The following ISM1 variants were observed in gnomAD, a reference collection of about 807,000 sequenced individuals.
ISM1 encodes the protein isthmin-1.
A neutral mutation model predicts 46.3 loss-of-function variants in ISM1; 25 were observed. The observed-to-expected ratio is 0.54, with a 90% CI of 0.39 to 0.75. ISM1 has a LOEUF of 0.75. Among genes scored for constraint, ISM1 ranks in the 30% least tolerant of loss-of-function variants. The pLI, the probability that ISM1 is intolerant of heterozygous loss-of-function variation, is 0.00. For missense variants in ISM1, 536 were observed against 625.4 expected (o/e 0.86, Z 1.52); for synonymous variants, 255 against 256.7 (o/e 0.99, Z 0.06).
intron 1 of ISM1, among the ~76,000 whole-genome samples, chr20:13,234,425 G>C (rs369448992): frequency 6.6e-6 from 1 of 152,120 alleles, no homozygotes; most frequent in Middle Eastern, 3.2e-3. Flanking sequence ...ATGAGTGCGG[G>C]TATCTTTTTG....
chr20:13,221,982 T>TA, intron 1 of ISM1, 68 bp downstream of exon 1: 1 of 1,254,962 alleles, frequency 8.0e-7, no homozygotes, highest in Non-Finnish European at 1.0e-6. Flanking sequence ...GGTGCTGAGC[T>TA]AGTGCCGGGT....
chr20:13,223,070 G>A (rs965390496), intron 1 of ISM1, among the ~76,000 whole-genome samples: 2 of 152,056 alleles, frequency 1.3e-5, no homozygotes, highest in Non-Finnish European at 2.9e-5. Context: ...GGCTGAGGCA[G>A]GAGAATTGCT....
intron 3 of ISM1, among the ~76,000 whole-genome samples, chr20:13,286,434 A>T (rs770393524): frequency 1.3e-5 from 2 of 152,200 alleles, no homozygotes; most frequent in African/African-American, 2.4e-5. Flanking sequence ...GAAAGAAGCT[A>T]ATGCCAGGGA....
rs149074566 is a variant in ISM1, at chr20:13,221,711, C to A, written c.-66C>A. Reference sequence around the variant, plus strand: ...GGGCTCCCGGGCTCCTACTCCTCCTCCCCCGGCGTCACCGCCGCCGCCGCC... The same window carrying A: ...GGGCTCCCGGGCTCCTACTCCTCCTACCCCGGCGTCACCGCCGCCGCCGCC... On this transcript the variant is annotated 5_prime_UTR_variant, in exon 1 of 6. Transcript: ENST00000262487. The A allele has an allele frequency of 6.9e-3, 9,001 of 1,309,446 alleles. 497 individuals are homozygous for A. In the African/African-American group the frequency reaches 0.12, roughly 18 times the overall value. The allele number at this position is 1,309,446 out of a possible 1,614,324, so 81.1% of individuals were successfully genotyped here. A position where few individuals can be genotyped will look rare whatever the true frequency, so the allele number is the denominator to read the frequency against.
chr20:13,253,690 A>AT (rs1157688761), intron 1 of ISM1, among the ~76,000 whole-genome samples: 1 of 152,098 alleles, frequency 6.6e-6, no homozygotes, highest in Non-Finnish European at 1.5e-5. Context: ...TTTCCAGGCG[A>AT]TTCCAACACT....
intron 1 of ISM1, 53 bp from the exon 2 acceptor site, chr20:13,270,451 A>C: frequency 6.4e-7 from 1 of 1,555,722 alleles, no homozygotes; most frequent in East Asian, 2.4e-5. Flanking sequence ...TAAGGGTGAC[A>C]TTTTTTAATC....
chr20:13,298,805 G>A, intron 5 of ISM1, 137 bp from the exon 6 acceptor site: 2 of 783,658 alleles, frequency 2.6e-6, no homozygotes, highest in Non-Finnish European at 4.1e-6. Flanking sequence ...GACAGGAGTT[G>A]TTGACTTCAG....
At chr20:13,298,859 G>A in intron 5 of ISM1, 83 bp from the exon 6 acceptor site, 1 of 1,431,238 alleles carries the variant, frequency 7.0e-7, no homozygotes, top group African/African-American at 1.4e-5. Context: ...CTCAGGAGCA[G>A]CCTGGTGTCA....
intron 3 of ISM1, among the ~76,000 whole-genome samples, chr20:13,286,305 C>A (rs1383872579): frequency 6.6e-6 from 1 of 151,644 alleles, no homozygotes; most frequent in Non-Finnish European, 1.5e-5. Context: ...CTGAGAGACA[C>A]CAGACTGCAA....
the ISM1 span, among the ~76,000 whole-genome samples, chr20:13,307,596 C>T: frequency 6.6e-6 from 1 of 152,160 alleles, no homozygotes; most frequent in Non-Finnish European, 1.5e-5. Flanking sequence ...CAGTAACGGG[C>T]ACTCACTCCT....
Position 13,299,436 on chromosome 20 carries a change from T to G in ISM1, c.1372T>G (p.Phe458Val). The G allele has an allele frequency of 6.2e-7, 1 of 1,604,630 alleles. No individual in the cohort carries two copies. Among genetic ancestry groups the G allele is most frequent in the South Asian group, 1.1e-5 (1 of 91,046 alleles). ...CTCGGACGAGGACTACATCAAGCAG[T>G]TCCAAGAGGCCAGGGAATATTAAAG... ...SPSDEDYIKQ[F>V]QEAREY Residue 458 changes from phenylalanine to valine, a missense_variant, in exon 6 of 6, where the codon TTC (phenylalanine) becomes GTC (valine). Transcript: ENST00000262487. The surrounding 1 kb of genome is among the most constrained non-coding windows in gnomAD (Gnocchi z 5.8).
At position 13,229,576 on chromosome 20, in the gene ISM1, T is replaced by G. The variant is rs573008181; in HGVS notation, c.138+7662T>G. On this transcript the variant is annotated intron_variant, in intron 1 of 5. Coordinates refer to ENST00000262487, the MANE Select transcript of ISM1 (RefSeq NM_080826.2). ...ATTTGTATATCCCCATCAATGGACA[T>G]TTGGTTTGTTTCCATTGCTTTGCAT... 4.6e-5 allele frequency among the ~76,000 whole-genome samples: 7 copies of G among 152,346 alleles called. No homozygotes were observed. The South Asian group carries it at 1.2e-3, about 27-fold the overall frequency.
rs911643 is a variant in ISM1 at position 13,280,394 on chromosome 20, C to T, written c.643+496C>T. Among the ~76,000 whole-genome samples the T allele has an allele frequency of 7.8e-3, 820 of 105,338 alleles. 3 individuals are homozygous for T. The highest frequency in any genetic ancestry group is 9.4e-3 in the Admixed American group (103 of 10,914). 69.1% of individuals were successfully genotyped at this position (105,338 alleles called of 152,430 possible). A position where few individuals can be genotyped will look rare whatever the true frequency, so the allele number is the denominator to read the frequency against. On this transcript the variant is annotated intron_variant, in intron 3 of 5. Coordinates refer to ENST00000262487, the MANE Select transcript of ISM1 (RefSeq NM_080826.2). ...TGTGTCTCAGGTCTTCAAAGTAACC[C>T]CCCCCCCCCAATACATTTCAAAACT...
At chr20:13,303,293 T>A (rs1159269421), downstream of ISM1, among the ~76,000 whole-genome samples, 1 of 152,154 alleles carries the variant, frequency 6.6e-6, no homozygotes, top group African/African-American at 2.4e-5. Context: ...TTTGCTTAGA[T>A]TGTTCAAAGA....
chr20:13,308,310 A>T, the ISM1 span, among the ~76,000 whole-genome samples: 1 of 152,186 alleles, frequency 6.6e-6, no homozygotes, highest in Admixed American at 6.6e-5. Context: ...CATGGGACCA[A>T]ATGAGGGTGT....
At chr20:13,297,956 C>T (rs981643075) in intron 5 of ISM1, among the ~76,000 whole-genome samples, 1 of 152,078 alleles carries the variant, frequency 6.6e-6, no homozygotes, top group African/African-American at 2.4e-5. Context: ...TTGCAGACAG[C>T]GATGGTTACA....
chr20:13,236,809 T>A (rs1454070522), intron 1 of ISM1, among the ~76,000 whole-genome samples: 1 of 152,164 alleles, frequency 6.6e-6, no homozygotes, highest in Non-Finnish European at 1.5e-5. Flanking sequence ...TGACTCCAGG[T>A]CTCACATCAA....
At chr20:13,249,213 G>T (rs1234357383) in intron 1 of ISM1, among the ~76,000 whole-genome samples, 1 of 152,198 alleles carries the variant, frequency 6.6e-6, no homozygotes, top group Non-Finnish European at 1.5e-5. Context: ...ATGATCTTCT[G>T]TTCTCCCCAC....
the ISM1 span, among the ~76,000 whole-genome samples, chr20:13,319,729 C>A: frequency 7.2e-5 from 11 of 152,278 alleles, no homozygotes; most frequent in African/African-American, 2.4e-4. Flanking sequence ...TGAAGATTAA[C>A]CCCCTCCCCC....
Sources: allele counts gnomAD v4.1 joint callset (sites outside exome capture counted in the v4.1 genomes callset), GRCh38; gene constraint gnomAD v4.1.1; non-coding constraint Gnocchi (gnomAD v3.1); transcripts MANE v1.5; gene names NCBI Gene and HGNC (gene_info 2026-07-23, HGNC 2026-07-21).